Variants in KIF16B observed in about 807,000 individuals in gnomAD.
KIF16B encodes kinesin family member 16B.
In KIF16B, 98 loss-of-function variants were observed where a neutral mutation model predicts 156.3. The observed-to-expected ratio is 0.63, with a 90% CI of 0.53 to 0.74. The LOEUF (loss-of-function observed/expected upper bound fraction) is 0.74. Among genes scored for constraint, KIF16B ranks in the 30% least tolerant of loss-of-function variants. The probability of loss-of-function intolerance (pLI) is 0.00; values close to 1 mark genes in which losing one functional copy is unlikely to be tolerated. For synonymous variants in KIF16B, 564 were observed against 583.7 expected (o/e 0.97, Z 0.49); for missense variants, 1,421 against 1,606.5 (o/e 0.88, Z 1.97).
At position 16,289,579 on chromosome 20, in the gene KIF16B, C is replaced by T. The variant is rs182761952; in HGVS notation, c.3796-16168G>A. On this transcript the variant is annotated intron_variant, in intron 25 of 25. Transcript: ENST00000354981. ...TTTAAAGAGTTGTGTTAAGGCCGGG[C>T]GCGGTGGCTCACGCCTGTAATCCCA... is the stretch of plus-strand genomic sequence containing the variant. Among the ~76,000 whole-genome samples the T allele has an allele frequency of 1.3e-3, 203 of 152,236 alleles. 1 individual carries two copies. Among genetic ancestry groups the T allele is most frequent in the African/African-American group, 3.0e-3 (125 of 41,534 alleles).
chr20:16,377,518 A>T (rs1281007450), intron 19 of KIF16B, among the ~76,000 whole-genome samples: 1 of 151,674 alleles, frequency 6.6e-6, no homozygotes, highest in East Asian at 2.0e-4. Context: ...CAGGAGTTTG[A>T]GGCTGCAGTG....
At chr20:16,513,000 A>G (rs2147064526) in intron 4 of KIF16B, 77 bp from the exon 5 acceptor site, 1 of 1,085,836 alleles carries the variant, frequency 9.2e-7, no homozygotes, top group South Asian at 1.3e-5. Flanking sequence ...ATTTGCTGGC[A>G]TGAAGTTAGA....
At chr20:16,472,915 G>A (rs1457259814) in intron 12 of KIF16B, among the ~76,000 whole-genome samples, 2 of 152,134 alleles carry the variant, frequency 1.3e-5, no homozygotes, top group African/African-American at 4.8e-5. Context: ...CTAGCCATGA[G>A]GAATATCAAT....
At chr20:16,483,948 C>A (rs1465044177) in intron 12 of KIF16B, among the ~76,000 whole-genome samples, 1 of 152,156 alleles carries the variant, frequency 6.6e-6, no homozygotes, top group Non-Finnish European at 1.5e-5. Context: ...TCTTAGCCAA[C>A]TAAACCAAGT....
chr20:16,370,804 CTA>C (rs1369287863), intron 21 of KIF16B, among the ~76,000 whole-genome samples, 168 bp from the exon 22 acceptor site: 2 of 152,174 alleles, frequency 1.3e-5, no homozygotes, highest in Non-Finnish European at 2.9e-5. Flanking sequence ...AAACATGACT[CTA>C]TTGATCCATC....
intron 25 of KIF16B, among the ~76,000 whole-genome samples, chr20:16,294,983 G>A (rs1321493908): frequency 6.6e-6 from 1 of 152,106 alleles, no homozygotes; most frequent in Non-Finnish European, 1.5e-5. Context: ...TTTCTGATGA[G>A]GACTTTTTGA....
intron 22 of KIF16B, chr20:16,367,018 G>T: frequency 7.5e-7 from 1 of 1,339,640 alleles, no homozygotes; most frequent in Non-Finnish European, 9.6e-7. Flanking sequence ...AATTTTAGAG[G>T]TCTGCATTTT....
intron 1 of KIF16B, among the ~76,000 whole-genome samples, chr20:16,540,780 C>T (rs982975086): frequency 6.6e-6 from 1 of 152,150 alleles, no homozygotes; most frequent in African/African-American, 2.4e-5. Context: ...GTATTAGGTT[C>T]CAAATAAAAT....
At chr20:16,396,983 G>C (rs564484130) in intron 17 of KIF16B, among the ~76,000 whole-genome samples, 1 of 152,296 alleles carries the variant, frequency 6.6e-6, no homozygotes, top group East Asian at 1.9e-4. Flanking sequence ...ACTGGTTAGT[G>C]CTCAGAGGAG....
intron 1 of KIF16B, among the ~76,000 whole-genome samples, chr20:16,530,553 G>C (rs899113315): frequency 6.6e-6 from 1 of 152,138 alleles, no homozygotes; most frequent in African/African-American, 2.4e-5. Context: ...AGCCCGCACC[G>C]GGACATGATG....
chr20:16,497,565 T>C (rs1024187676), intron 11 of KIF16B, 48 bp downstream of exon 11: 2 of 1,440,612 alleles, frequency 1.4e-6, no homozygotes, highest in Non-Finnish European at 1.9e-6. Context: ...GCACTTAAAA[T>C]AATAGTAAAA....
At chr20:16,470,049 T>C (rs1328621969) in intron 12 of KIF16B, among the ~76,000 whole-genome samples, 1 of 152,172 alleles carries the variant, frequency 6.6e-6, no homozygotes, top group African/African-American at 2.4e-5. Context: ...TGGAGGAATA[T>C]TTAATGTATA....
chr20:16,514,467 C>CA (rs1264520918), intron 4 of KIF16B, among the ~76,000 whole-genome samples: 2 of 151,506 alleles, frequency 1.3e-5, no homozygotes, highest in African/African-American at 4.9e-5. Context: ...TTCAGCATTA[C>CA]AGACACCACA....
intron 24 of KIF16B, among the ~76,000 whole-genome samples, chr20:16,329,974 C>T (rs1461148428): frequency 2.0e-5 from 3 of 152,122 alleles, no homozygotes; most frequent in Non-Finnish European, 4.4e-5. Context: ...TTCAGTATTA[C>T]AAAGTACAAA....
At chr20:16,510,644 G>A (rs887462542) in intron 6 of KIF16B, among the ~76,000 whole-genome samples, 14 of 152,016 alleles carry the variant, frequency 9.2e-5, no homozygotes, top group African/African-American at 2.2e-4. Context: ...GCAAGACTCC[G>A]TCCCAAAAGA....
chr20:16,471,971 A>G (rs987324685), intron 12 of KIF16B, among the ~76,000 whole-genome samples: 6 of 152,250 alleles, frequency 3.9e-5, no homozygotes, highest in African/African-American at 1.4e-4. Context: ...TATGAGTCCA[A>G]AATTCAAGAA....
chr20:16,339,435 T>C (rs951918252), intron 23 of KIF16B, among the ~76,000 whole-genome samples: 2 of 152,174 alleles, frequency 1.3e-5, no homozygotes, highest in African/African-American at 4.8e-5. Context: ...ATGTTTTATT[T>C]TCTACCTGCA....
chr20:16,425,932 C>G (rs187000401), intron 15 of KIF16B, among the ~76,000 whole-genome samples: 1 of 152,064 alleles, frequency 6.6e-6, no homozygotes, highest in East Asian at 1.9e-4. Context: ...CTTACAGTCA[C>G]GGCAGAAGGC....
chr20:16,400,636 A>G (rs185998281), intron 17 of KIF16B, among the ~76,000 whole-genome samples: 171 of 152,360 alleles, frequency 1.1e-3, no homozygotes, highest in Admixed American at 2.5e-3. Context: ...ATGAATGGAT[A>G]AACAAAATGT....
Sources: allele counts gnomAD v4.1 joint callset (sites outside exome capture counted in the v4.1 genomes callset), GRCh38; gene constraint gnomAD v4.1.1; transcripts MANE v1.5; gene names NCBI Gene and HGNC (gene_info 2026-07-23, HGNC 2026-07-21).